The following KLHL1 variants were observed in gnomAD, a reference collection of about 807,000 sequenced individuals.
KLHL1 encodes the protein kelch like family member 1.
Under a neutral mutation model 77.7 loss-of-function variants are expected in KLHL1, and 47 were observed. The ratio of observed to expected loss-of-function variants is 0.60; its 90% CI spans 0.48 to 0.77. The LOEUF (loss-of-function observed/expected upper bound fraction) is 0.77, where lower values mean the gene tolerates loss of function less well. KLHL1 is among the 30% of genes least tolerant of loss of function. KLHL1 has a pLI of 0.00. For synonymous variants in KLHL1, 360 were observed against 325.2 expected, an observed-to-expected ratio of 1.11 and a Z score of -1.15; for missense variants, 925 against 910.8, an observed-to-expected ratio of 1.02 and a Z score of -0.20.
intron 4 of KLHL1, among the ~76,000 whole-genome samples, chr13:69,936,592 CAA>C (rs57906720): frequency 1.6e-4 from 13 of 79,984 alleles, no homozygotes; most frequent in Admixed American, 2.9e-4. Flanking sequence ...GACTCCATCT[CAA>C]AAAAAAAAAA....
At chr13:69,799,932 T>C (rs369194586) in intron 6 of KLHL1, among the ~76,000 whole-genome samples, 2 of 152,116 alleles carry the variant, frequency 1.3e-5, no homozygotes, top group African/African-American at 4.8e-5. Flanking sequence ...GCAAACCCTA[T>C]TGTGAACTGT....
intron 4 of KLHL1, among the ~76,000 whole-genome samples, chr13:69,884,041 A>C (rs1339465435): frequency 6.6e-6 from 1 of 152,170 alleles, no homozygotes; most frequent in Non-Finnish European, 1.5e-5. Flanking sequence ...GACCGTGCTA[A>C]ACAGAGTAGA....
chr13:69,826,710 C>A (rs766877920), intron 6 of KLHL1, among the ~76,000 whole-genome samples: 11 of 152,052 alleles, frequency 7.2e-5, no homozygotes, highest in Non-Finnish European at 1.3e-4. Context: ...TTCAAAGTAT[C>A]ATGTTTTAAA....
chr13:69,838,926 A>G lies in KLHL1; in HGVS notation c.1414+50T>C, dbSNP rs371210758. On this transcript the variant is annotated intron_variant, in intron 6 of 10. Transcript: ENST00000377844. ...ATCACCATTACAATATAAAAGCTGC[A>G]ACACGGTATAACACAGGATGTATAG... 5 of 1,240,204 alleles carry G rather than the reference A, an allele frequency of 4.0e-6. No individual in the cohort carries two copies. In the African/African-American group the frequency reaches 7.7e-5, roughly 19 times the overall value. The allele number at this position is 1,240,204 out of a possible 1,614,324, so 76.8% of individuals were successfully genotyped here. A position where few individuals can be genotyped will look rare whatever the true frequency, so the allele number is the denominator to read the frequency against.
At chr13:69,786,179 C>T (rs909440669) in intron 7 of KLHL1, among the ~76,000 whole-genome samples, 1 of 152,074 alleles carries the variant, frequency 6.6e-6, no homozygotes, top group Non-Finnish European at 1.5e-5. Flanking sequence ...CATCCTGATA[C>T]CAAAGCCTGG....
intron 6 of KLHL1, among the ~76,000 whole-genome samples, chr13:69,803,978 G>A (rs1433097460): frequency 6.6e-6 from 1 of 152,136 alleles, no homozygotes; most frequent in Admixed American, 6.5e-5. Flanking sequence ...TGCCACCCCA[G>A]GCTTTGAACC....
intron 1 of KLHL1, among the ~76,000 whole-genome samples, chr13:70,032,998 A>G (rs562382949): frequency 3.2e-4 from 48 of 152,298 alleles, no homozygotes; most frequent in Middle Eastern, 3.4e-3. Flanking sequence ...CTTTTTGACT[A>G]TTAGCATTTA....
intron 7 of KLHL1, among the ~76,000 whole-genome samples, chr13:69,789,091 C>A (rs191926247): frequency 6.7e-4 from 102 of 152,090 alleles, no homozygotes; most frequent in Admixed American, 3.4e-3. Context: ...ATCCATCTGT[C>A]TATACCTATG....
At chr13:70,030,587 TA>T (rs1886073323) in intron 1 of KLHL1, among the ~76,000 whole-genome samples, 1 of 152,098 alleles carries the variant, frequency 6.6e-6, no homozygotes, top group Admixed American at 6.5e-5. Context: ...GGGACACATT[TA>T]AAGCAGCATG....
chr13:69,836,515 A>G (rs1878996399), intron 6 of KLHL1, among the ~76,000 whole-genome samples: 1 of 152,094 alleles, frequency 6.6e-6, no homozygotes, highest in Non-Finnish European at 1.5e-5. Context: ...TGGTATAAAC[A>G]TTGAAAGCCA....
intron 1 of KLHL1, among the ~76,000 whole-genome samples, chr13:69,985,133 A>G (rs913150845): frequency 8.9e-6 from 1 of 112,538 alleles, no homozygotes; most frequent in African/African-American, 7.2e-5. Context: ...ACAAGCAAAC[A>G]ACAACAACAA....
chr13:69,885,990 T>G (rs977548178), intron 4 of KLHL1, among the ~76,000 whole-genome samples: 4 of 152,148 alleles, frequency 2.6e-5, no homozygotes, highest in African/African-American at 9.7e-5. Context: ...GTATAGTATG[T>G]GATGCCATAG....
At chr13:69,840,698 A>ATATATATATATGTATGTATG (rs976775077) in intron 5 of KLHL1, among the ~76,000 whole-genome samples, 2 of 146,276 alleles carry the variant, frequency 1.4e-5, no homozygotes, top group Non-Finnish European at 3.0e-5. Flanking sequence ...ATATATATAT[A>ATATATATATATGTATGTATG]TATGTATGTA....
At chr13:69,753,056 T>C (rs570708688) in intron 7 of KLHL1, among the ~76,000 whole-genome samples, 38 of 152,132 alleles carry the variant, frequency 2.5e-4, no homozygotes, top group Non-Finnish European at 4.9e-4. Flanking sequence ...TGGAAGTGTG[T>C]TGCAGTCTGA....
At chr13:69,884,992 C>G (rs1166885643) in intron 4 of KLHL1, among the ~76,000 whole-genome samples, 163 of 131,176 alleles carry the variant, frequency 1.2e-3, no homozygotes, top group Admixed American at 3.1e-3. Context: ...GGACTGCGGA[C>G]TGCAGTGGCG....
At chr13:69,708,090 T>C (rs1322862168) in intron 9 of KLHL1, among the ~76,000 whole-genome samples, 1 of 151,944 alleles carries the variant, frequency 6.6e-6, no homozygotes, top group African/African-American at 2.4e-5. Context: ...ATAACTATTA[T>C]CCACAGTAGA....
At chr13:70,082,944 G>C (rs1178192421) in intron 1 of KLHL1, among the ~76,000 whole-genome samples, 2 of 152,168 alleles carry the variant, frequency 1.3e-5, no homozygotes, top group African/African-American at 2.4e-5. Context: ...GGACATAAAT[G>C]TGGGAACAAT....
intron 2 of KLHL1, among the ~76,000 whole-genome samples, chr13:69,966,732 T>C (rs902299910): frequency 1.4e-4 from 22 of 152,116 alleles, no homozygotes; most frequent in African/African-American, 5.1e-4. Context: ...ATTGTACCCA[T>C]TAATCATTTT....
At chr13:70,005,909 T>C (rs1462328205) in intron 1 of KLHL1, among the ~76,000 whole-genome samples, 1 of 152,018 alleles carries the variant, frequency 6.6e-6, no homozygotes, top group African/African-American at 2.4e-5. Context: ...TCTGAAGTGC[T>C]CATTATTGTA....
Sources: gnomAD v4.1 joint callset for allele counts (sites outside exome capture counted in the v4.1 genomes callset) on GRCh38, gnomAD v4.1.1 for gene constraint, MANE v1.5 for transcripts, NCBI Gene and HGNC (gene_info 2026-07-23, HGNC 2026-07-21) for gene names.